Variants in KCNC1 observed in about 807,000 individuals in gnomAD.
KCNC1 encodes the protein voltage-gated potassium channel KCNC1.
In KCNC1, 8 loss-of-function variants were observed where a neutral mutation model predicts 43.4. The observed-to-expected ratio is 0.18, with a 90% CI of 0.11 to 0.33. The LOEUF is 0.33. Ranked by LOEUF, KCNC1 falls within the 10% of genes least tolerant of loss-of-function variation. The probability of loss-of-function intolerance (pLI) is 1.00; values close to 1 mark genes in which losing one functional copy is unlikely to be tolerated. For synonymous variants in KCNC1, 361 were observed against 360.5 expected, an observed-to-expected ratio of 1.00 and a Z score of -0.01; for missense variants, 420 against 836.0, an observed-to-expected ratio of 0.50 and a Z score of 6.14.
Position 17,735,715 on chromosome 11 carries a change from C to T in KCNC1, c.-288C>T, listed in dbSNP as rs1467478180. On this transcript the variant is annotated 5_prime_UTR_variant, in exon 1 of 4. Transcript: ENST00000265969. This position sits in a 1 kb window ranked among gnomAD's most constrained non-coding sequence, Gnocchi z 6.7. ...TCCCTTTCTCCCTCCCTTTCTCCCT[C>T]CCTTCTTTCCTCCTCTGCCTCCTCC... 3 of 176,254 alleles carry T rather than the reference C, an allele frequency of 1.7e-5. No individual in the cohort carries two copies. Among genetic ancestry groups the T allele is most frequent in the African/African-American group, 4.9e-5 (2 of 41,074 alleles). The allele number at this position is 176,254 out of a possible 1,614,324, so 10.9% of individuals were successfully genotyped here. A position where few individuals can be genotyped will look rare whatever the true frequency, so the allele number is the denominator to read the frequency against.
chr11:17,779,105 C>G lies in KCNC1; in HGVS notation c.1505-351C>G, dbSNP rs1849318129. On this transcript the variant is annotated intron_variant, in intron 2 of 3. Coordinates refer to ENST00000265969, the MANE Select transcript of KCNC1 (RefSeq NM_001112741.2). This position sits in a 1 kb window ranked among gnomAD's most constrained non-coding sequence, Gnocchi z 7.2. ...CCCTGAGCTCTGTGTCTGGCTCTCC[C>G]CCATGACTGCATCCACACCATCCTG... is the stretch of plus-strand genomic sequence containing the variant. 5.2e-6 allele frequency: 1 copy of G among 194,134 alleles called. No homozygotes were observed. The highest frequency in any genetic ancestry group is 5.8e-5 in the Admixed American group (1 of 17,320). The allele number at this position is 194,134 out of a possible 1,614,324, so 12.0% of individuals were successfully genotyped here. A position where few individuals can be genotyped will look rare whatever the true frequency, so the allele number is the denominator to read the frequency against.
chr11:17,747,013 A>G (rs1006065859), intron 1 of KCNC1, among the ~76,000 whole-genome samples: 1 of 152,144 alleles, frequency 6.6e-6, no homozygotes, highest in African/African-American at 2.4e-5. Context: ...TCATCTTTTT[A>G]CCAGCTCTCG....
In KCNC1 at chr11:17,771,781, T is replaced by C. The variant is rs2133804923; in HGVS notation, c.687T>C (p.Asn229=). 1 of 1,614,246 alleles carries C rather than the reference T, an allele frequency of 6.2e-7. No homozygotes were observed. The highest frequency in any genetic ancestry group is 8.5e-7 in the Non-Finnish European group (1 of 1,180,028). Reference sequence around the variant, plus strand: ...AGACGGAGATCGAGAACGTTCGCAATGGCACGCAAGTGCGCTACTACCGGG... The same window carrying C: ...AGACGGAGATCGAGAACGTTCGCAACGGCACGCAAGTGCGCTACTACCGGG... ...VNKTEIENVR[N]GTQVRYYREA... is the part of the protein sequence containing the mutation. Residue 229 remains asparagine, a synonymous_variant, in exon 2 of 4, where the codon AAT becomes AAC. Transcript: ENST00000265969. The surrounding 1 kb of genome is among the most constrained non-coding windows in gnomAD (Gnocchi z 4.7).
chr11:17,751,553 T>C (rs927253644), intron 1 of KCNC1, among the ~76,000 whole-genome samples: 7 of 152,274 alleles, frequency 4.6e-5, no homozygotes, highest in African/African-American at 1.7e-4. Flanking sequence ...AGTGGCCCAG[T>C]ACATGTGTGC....
chr11:17,775,791 G>C (rs1383468925), intron 2 of KCNC1: 2 of 985,692 alleles, frequency 2.0e-6, no homozygotes, highest in African/African-American at 1.7e-5. Flanking sequence ...GGTGGTGGCC[G>C]GGCTCCCTTC....
Position 17,776,192 on chromosome 11 carries a change from T to C in KCNC1, c.1505-3264T>C, listed in dbSNP as rs1849285279. ...TTCCGTGTTGTTCACATTTTCTCTC[T>C]TTCTCTCTCTCTCCACTAATCATGT... On this transcript the variant is annotated intron_variant, in intron 2 of 3. Coordinates refer to ENST00000265969, the MANE Select transcript of KCNC1 (RefSeq NM_001112741.2). The surrounding 1 kb of genome is among the most constrained non-coding windows in gnomAD (Gnocchi z 4.4). 1 of 985,248 alleles carries C rather than the reference T, an allele frequency of 1.0e-6. No individual in the cohort carries two copies. The highest frequency in any genetic ancestry group is 1.7e-5 in the African/African-American group (1 of 57,238). The allele number at this position is 985,248 out of a possible 1,614,324, so 61.0% of individuals were successfully genotyped here.
Position 17,768,469 on chromosome 11 carries a change from T to C in KCNC1, c.571-3196T>C, listed in dbSNP as rs554716254. On this transcript the variant is annotated intron_variant, in intron 1 of 3. Coordinates refer to ENST00000265969, the MANE Select transcript of KCNC1 (RefSeq NM_001112741.2). ...GGCTGGGGAATTTGGACTTTCTCTG[T>C]GGGCTGCATGGGCAGAGCTGGGATT... is the stretch of plus-strand genomic sequence containing the variant. Among the ~76,000 whole-genome samples, 12 of 152,234 alleles carry C rather than the reference T, an allele frequency of 7.9e-5. 1 individual carries two copies. Among genetic ancestry groups the C allele is most frequent in the African/African-American group, 2.2e-4 (9 of 41,544 alleles).
At position 17,777,167 on chromosome 11, in the gene KCNC1, C is replaced by A; in HGVS notation, c.1505-2289C>A. The A allele has an allele frequency of 1.0e-6, 1 of 984,650 alleles. No homozygotes were observed. The highest frequency in any genetic ancestry group is 1.2e-6 in the Non-Finnish European group (1 of 829,630). 61.0% of individuals were successfully genotyped at this position (984,650 alleles called of 1,614,324 possible). ...AGGGCCTGGGGGCTTGTGGACAGAACCAGTGGGCGGGGGCCCAGCATTCAG... is the reference window on the plus strand; with the variant it reads ...AGGGCCTGGGGGCTTGTGGACAGAAACAGTGGGCGGGGGCCCAGCATTCAG... On this transcript the variant is annotated intron_variant, in intron 2 of 3. Transcript: ENST00000265969. The surrounding 1 kb of genome is among the most constrained non-coding windows in gnomAD (Gnocchi z 4.3).
intron 1 of KCNC1, among the ~76,000 whole-genome samples, chr11:17,762,428 GCTCT>G (rs1849088194): frequency 6.6e-6 from 1 of 152,174 alleles, no homozygotes; most frequent in African/African-American, 2.4e-5. Context: ...CTTCCTTCTT[GCTCT>G]CTGTGTATTA....
chr11:17,767,284 C>CA (rs71483495), intron 1 of KCNC1, among the ~76,000 whole-genome samples: 1,553 of 95,618 alleles, frequency 0.016, 17 homozygotes, highest in African/African-American at 0.027. Context: ...GACTCCGTCT[C>CA]AAAAAAAAAA....
At chr11:17,775,690 G>A (rs764719236) in intron 2 of KCNC1, 335 of 985,710 alleles carry the variant, frequency 3.4e-4, no homozygotes, top group Non-Finnish European at 3.9e-4. Flanking sequence ...GTCCATCTCC[G>A]CTCCTGTGAT....
intron 1 of KCNC1, among the ~76,000 whole-genome samples, chr11:17,766,853 T>G (rs7926535): frequency 0.072 from 10,987 of 151,608 alleles, 1,117 homozygotes; most frequent in African/African-American, 0.23. Context: ...AGGCAAGAGC[T>G]TAGGTTCTAG....
intron 1 of KCNC1, among the ~76,000 whole-genome samples, chr11:17,753,909 C>A (rs1359172407): frequency 6.6e-6 from 1 of 152,214 alleles, no homozygotes. Context: ...AGTTCTGCCC[C>A]GTAGACAGGA....
intron 1 of KCNC1, among the ~76,000 whole-genome samples, chr11:17,747,706 G>C (rs534703865): frequency 2.6e-5 from 4 of 152,310 alleles, no homozygotes; most frequent in Admixed American, 2.6e-4. Context: ...AACCAGCCTC[G>C]CTGGGTCAGG....
chr11:17,772,600 T>G lies in KCNC1; in HGVS notation c.1504+2T>G. 1 of 1,611,588 alleles carries G rather than the reference T, an allele frequency of 6.2e-7. No individual in the cohort carries two copies. Among genetic ancestry groups the G allele is most frequent in the South Asian group, 1.1e-5 (1 of 90,984 alleles). On this transcript the variant is annotated splice_donor_variant, in intron 2 of 3. Coordinates refer to ENST00000265969, the MANE Select transcript of KCNC1 (RefSeq NM_001112741.2). LOFTEE classifies it high-confidence loss of function. ...AAATTTTAGAAATTAACAGAGCAGGTAGGAAACCTCTTAGAGGCATGTCGA... is the reference window on the plus strand; with the variant it reads ...AAATTTTAGAAATTAACAGAGCAGGGAGGAAACCTCTTAGAGGCATGTCGA...
chr11:17,741,541 C>T (rs74471709), intron 1 of KCNC1, among the ~76,000 whole-genome samples: 1,674 of 152,272 alleles, frequency 0.011, 22 homozygotes, highest in African/African-American at 0.029. Flanking sequence ...CCCCGGCAGC[C>T]CCCCAGCTGC....
intron 1 of KCNC1, among the ~76,000 whole-genome samples, chr11:17,759,377 T>C (rs528484640): frequency 5.3e-5 from 8 of 152,338 alleles, no homozygotes; most frequent in African/African-American, 1.9e-4. Context: ...TAAGGCTGTT[T>C]TGCTTTCTTA....
intron 1 of KCNC1, among the ~76,000 whole-genome samples, chr11:17,744,209 C>G (rs563955583): frequency 6.6e-6 from 1 of 152,298 alleles, no homozygotes; most frequent in South Asian, 2.1e-4. Flanking sequence ...TAAGGCTCTT[C>G]CCAACTCTGA....
Position 17,772,221 on chromosome 11 carries a change from C to T in KCNC1, c.1127C>T (p.Pro376Leu), listed in dbSNP as rs1204413535. 9.3e-6 allele frequency: 15 copies of T among 1,614,130 alleles called. No homozygotes were observed. Among genetic ancestry groups the T allele is most frequent in the Non-Finnish European group, 1.3e-5 (15 of 1,180,048 alleles). Residue 376 changes from proline to leucine, a missense_variant, in exon 2 of 4, where the codon CCC (proline) becomes CTC (leucine). By Grantham distance (98) the Pro-to-Leu change is moderately conservative. Around this residue, in one of 5 missense-constraint regions of KCNC1, gnomAD observed 58 missense variants for 256.9 expected, o/e 0.23. Transcript: ENST00000265969. The part of the protein sequence containing the change: ...AERIGAQPND[P>L]SASEHTHFKN... ...AGGATAGGGGCACAGCCCAATGACCCCAGCGCCAGTGAGCACACGCACTTT... is the reference window on the plus strand; with the variant it reads ...AGGATAGGGGCACAGCCCAATGACCTCAGCGCCAGTGAGCACACGCACTTT...
Sources: gnomAD v4.1 joint callset for allele counts (sites outside exome capture counted in the v4.1 genomes callset) on GRCh38, gnomAD v4.1.1 for gene constraint, gnomAD v4.1.1 regional missense constraint, Gnocchi (gnomAD v3.1) non-coding constraint, MANE v1.5 for transcripts, NCBI Gene and HGNC (gene_info 2026-07-23, HGNC 2026-07-21) for gene names.